The following GFRAL variants were observed in gnomAD, a reference collection of about 807,000 sequenced individuals.
The protein encoded by GFRAL is GDNF family receptor alpha like.
In GFRAL, 36 loss-of-function variants were observed where a neutral mutation model predicts 45.4. That is an observed-to-expected ratio of 0.79 (90% CI 0.61 to 1.05). The LOEUF (loss-of-function observed/expected upper bound fraction) is 1.05. Among genes scored for constraint, GFRAL ranks in the 50% least tolerant of loss-of-function variants. The pLI is 0.00. For synonymous variants in GFRAL, 166 were observed against 154.1 expected (o/e 1.08, Z -0.57); for missense variants, 507 against 467.5 (o/e 1.08, Z -0.78).
chr6:55,358,644 C>T (rs1247548857), intron 5 of GFRAL, among the ~76,000 whole-genome samples: 1 of 151,892 alleles, frequency 6.6e-6, no homozygotes, highest in Non-Finnish European at 1.5e-5. Context: ...AAAATCCATC[C>T]GTGGAATCCT....
At chr6:55,373,441 C>T (rs1768479954) in intron 6 of GFRAL, among the ~76,000 whole-genome samples, 1 of 152,094 alleles carries the variant, frequency 6.6e-6, no homozygotes, top group Non-Finnish European at 1.5e-5. Flanking sequence ...CTGGTGGCTC[C>T]TTTGGCAATA....
chr6:55,339,144 T>C (rs1374602153), intron 3 of GFRAL, among the ~76,000 whole-genome samples: 3 of 152,060 alleles, frequency 2.0e-5, no homozygotes, highest in Non-Finnish European at 4.4e-5. Context: ...TGGTGACCAG[T>C]TGGATATGAG....
At chr6:55,395,175 A>AAAATATATATATATATAT in intron 6 of GFRAL, among the ~76,000 whole-genome samples, 74 of 123,450 alleles carry the variant, frequency 6.0e-4, no homozygotes, top group African/African-American at 2.4e-3. Context: ...AAAAAAAAAA[A>AAAATATATATATATATAT]ATATATATAT....
At chr6:55,345,916 T>C (rs2127353657) in intron 3 of GFRAL, among the ~76,000 whole-genome samples, 1 of 152,308 alleles carries the variant, frequency 6.6e-6, no homozygotes, top group South Asian at 2.1e-4. Context: ...AAGACATTTA[T>C]GCAGCCAACT....
In GFRAL at chr6:55,355,893, A is replaced by AT. The variant is rs1245003879; in HGVS notation, c.702-2994dup. Among the ~76,000 whole-genome samples the AT allele has an allele frequency of 1.3e-5, 2 of 151,924 alleles. 1 individual carries two copies. On this transcript the variant is annotated intron_variant, in intron 5 of 8. Transcript: ENST00000340465. The stretch of plus-strand genomic sequence containing the variant: ...TATATGGCATTTATTCTGTTGAGGT[A>AT]TATTCCTTCTATATCCTGGTTTTGA...
At chr6:55,371,940 G>A (rs1403697690) in intron 6 of GFRAL, among the ~76,000 whole-genome samples, 1 of 152,030 alleles carries the variant, frequency 6.6e-6, no homozygotes, top group African/African-American at 2.4e-5. Context: ...TGGGTTTATT[G>A]TTTCAATTTC....
chr6:55,369,316 G>A (rs747102849), intron 6 of GFRAL, among the ~76,000 whole-genome samples: 8 of 152,114 alleles, frequency 5.3e-5, no homozygotes, highest in African/African-American at 1.4e-4. Flanking sequence ...CAAGGTGCGC[G>A]CACCCACTGA....
chr6:55,392,381 T>G (rs2127365925), intron 6 of GFRAL, among the ~76,000 whole-genome samples: 1 of 152,352 alleles, frequency 6.6e-6, no homozygotes, highest in Non-Finnish European at 1.5e-5. Context: ...AGGTAACCTT[T>G]ACTTGGGTCC....
intron 6 of GFRAL, among the ~76,000 whole-genome samples, chr6:55,390,206 A>C (rs1768729757): frequency 6.6e-6 from 1 of 152,238 alleles, no homozygotes; most frequent in African/African-American, 2.4e-5. Context: ...GAGAGAAGAG[A>C]AAAGAAAAAG....
chr6:55,380,565 C>T (rs987130916), intron 6 of GFRAL, among the ~76,000 whole-genome samples: 1 of 151,916 alleles, frequency 6.6e-6, no homozygotes, highest in Non-Finnish European at 1.5e-5. Context: ...AACCACTTCT[C>T]TAATCCACAT....
intron 8 of GFRAL, among the ~76,000 whole-genome samples, chr6:55,401,419 A>G (rs1768894427): frequency 6.6e-6 from 1 of 152,186 alleles, no homozygotes. Context: ...TTGTTCACTC[A>G]CCTGATGGTC....
intron 6 of GFRAL, among the ~76,000 whole-genome samples, chr6:55,370,573 T>C (rs1234123699): frequency 2.0e-5 from 3 of 152,208 alleles, no homozygotes; most frequent in Non-Finnish European, 4.4e-5. Context: ...TCTTAGTACA[T>C]TTTTCTTGAT....
intron 5 of GFRAL, among the ~76,000 whole-genome samples, chr6:55,353,407 A>C (rs1001707151): frequency 6.6e-5 from 10 of 152,082 alleles, no homozygotes; most frequent in African/African-American, 2.4e-4. Context: ...CTGCTTCCCT[A>C]TAGCACACAT....
intron 3 of GFRAL, among the ~76,000 whole-genome samples, chr6:55,348,820 T>C (rs1329573144): frequency 6.6e-6 from 1 of 152,056 alleles, no homozygotes; most frequent in Non-Finnish European, 1.5e-5. Flanking sequence ...TCAATAACAG[T>C]GAGTGAAGCT....
At chr6:55,335,851 T>G (rs1235092945) in intron 3 of GFRAL, among the ~76,000 whole-genome samples, 1 of 152,162 alleles carries the variant, frequency 6.6e-6, no homozygotes, top group East Asian at 1.9e-4. Flanking sequence ...ATGATTCCAT[T>G]AACTGTTACT....
intron 6 of GFRAL, among the ~76,000 whole-genome samples, chr6:55,378,074 C>G (rs755727607): frequency 6.6e-6 from 1 of 152,034 alleles, no homozygotes; most frequent in African/African-American, 2.4e-5. Context: ...GGTGACCCCA[C>G]TAGCCTTGAT....
chr6:55,350,466 G>A (rs1768101387), intron 4 of GFRAL, among the ~76,000 whole-genome samples: 1 of 152,052 alleles, frequency 6.6e-6, no homozygotes, highest in Admixed American at 6.6e-5. Flanking sequence ...TTTGATCCCA[G>A]GAGTTTGAGA....
chr6:55,345,407 G>C (rs1030144126), intron 3 of GFRAL, among the ~76,000 whole-genome samples: 2 of 152,134 alleles, frequency 1.3e-5, no homozygotes, highest in Non-Finnish European at 2.9e-5. Flanking sequence ...ACAACCATCT[G>C]ATCTTTGACA....
intron 6 of GFRAL, among the ~76,000 whole-genome samples, chr6:55,376,782 T>C (rs1314647918): frequency 1.3e-5 from 2 of 151,980 alleles, no homozygotes; most frequent in Non-Finnish European, 2.9e-5. Context: ...TCTAAAAAAA[T>C]GGCTACTGGA....
Sources: allele counts gnomAD v4.1 joint callset (sites outside exome capture counted in the v4.1 genomes callset), GRCh38; gene constraint gnomAD v4.1.1; transcripts MANE v1.5; gene names NCBI Gene and HGNC (gene_info 2026-07-23, HGNC 2026-07-21).